Variants in ARL13B observed in about 807,000 individuals in gnomAD.
ARL13B encodes the protein ADP-ribosylation factor-like protein 13B.
Under a neutral mutation model 56.1 loss-of-function variants are expected in ARL13B, and 36 were observed. The observed-to-expected ratio is 0.64, with a 90% CI of 0.49 to 0.85. The LOEUF is 0.85. Among genes scored for constraint, ARL13B ranks in the 40% least tolerant of loss-of-function variants. ARL13B has a pLI of 0.00. For synonymous variants in ARL13B, 178 were observed against 171.1 expected, an observed-to-expected ratio of 1.04 and a Z score of -0.32; for missense variants, 519 against 507.1, an observed-to-expected ratio of 1.02 and a Z score of -0.23.
At chr3:94,045,585 T>C (rs546676607) in intron 7 of ARL13B, among the ~76,000 whole-genome samples, 1 of 151,882 alleles carries the variant, frequency 6.6e-6, no homozygotes, top group African/African-American at 2.4e-5. Flanking sequence ...ATAAAATATA[T>C]GTAAAAGTAA....
chr3:94,014,830 A>G (rs1265778965), intron 3 of ARL13B: 14 of 1,614,096 alleles, frequency 8.7e-6, no homozygotes, highest in Non-Finnish European at 1.2e-5. Flanking sequence ...TATAAACATG[A>G]TTTGCTGAAA....
chr3:94,041,940 C>A (rs2076870346), intron 6 of ARL13B, among the ~76,000 whole-genome samples: 1 of 152,046 alleles, frequency 6.6e-6, no homozygotes, highest in South Asian at 2.1e-4. Context: ...ACCTATAATC[C>A]CAGCTACTCC....
chr3:94,038,716 T>A (rs2076812425), intron 5 of ARL13B, among the ~76,000 whole-genome samples: 2 of 151,836 alleles, frequency 1.3e-5, no homozygotes, highest in South Asian at 4.2e-4. Flanking sequence ...AGAGACAGGG[T>A]TTCACCATGT....
intron 3 of ARL13B, among the ~76,000 whole-genome samples, chr3:94,030,132 A>G (rs201106377): frequency 1.3e-5 from 2 of 152,114 alleles, no homozygotes; most frequent in African/African-American, 2.4e-5. Context: ...GGTTACCTAT[A>G]AGGGAAGGGA....
chr3:94,018,212 TA>T (rs1256219568), intron 3 of ARL13B, among the ~76,000 whole-genome samples: 1 of 140,840 alleles, frequency 7.1e-6, no homozygotes, highest in African/African-American at 2.7e-5. Flanking sequence ...TTTATATTTT[TA>T]AAAGATGTTG....
chr3:94,023,632 A>T (rs1186460372), intron 3 of ARL13B, among the ~76,000 whole-genome samples: 1 of 152,162 alleles, frequency 6.6e-6, no homozygotes, highest in African/African-American at 2.4e-5. Context: ...TTTTAAAGTG[A>T]CTTGCCTAAG....
intron 1 of ARL13B, among the ~76,000 whole-genome samples, chr3:93,988,423 T>G (rs2107343700): frequency 6.6e-6 from 1 of 152,308 alleles, no homozygotes; most frequent in South Asian, 2.1e-4. Context: ...CAATATCCCA[T>G]ACTATTCTCT....
intron 2 of ARL13B, among the ~76,000 whole-genome samples, chr3:94,002,539 A>G (rs1329063470): frequency 6.6e-6 from 1 of 152,200 alleles, no homozygotes; most frequent in Non-Finnish European, 1.5e-5. Context: ...AGTGGATTCC[A>G]GTGATGAAGA....
chr3:94,005,083 A>G (rs1396110329), intron 3 of ARL13B, among the ~76,000 whole-genome samples: 1 of 152,162 alleles, frequency 6.6e-6, no homozygotes, highest in Non-Finnish European at 1.5e-5. Context: ...TCATTAATAC[A>G]TGCATTAATT....
chr3:94,007,184 A>G (rs965592972), intron 3 of ARL13B, among the ~76,000 whole-genome samples: 2 of 152,226 alleles, frequency 1.3e-5, no homozygotes, highest in Non-Finnish European at 2.9e-5. Flanking sequence ...GCAAGCAGAA[A>G]ACAAGACCTC....
intron 1 of ARL13B, among the ~76,000 whole-genome samples, chr3:93,988,338 A>G (rs1393402325): frequency 6.6e-6 from 1 of 152,150 alleles, no homozygotes; most frequent in African/African-American, 2.4e-5. Flanking sequence ...ATTTTGTATT[A>G]CAGTATATAA....
Position 94,043,183 on chromosome 3 carries a change from G to A in ARL13B, c.967G>A (p.Ala323Thr), listed in dbSNP as rs952677478. ...EFGLVENYKE[A>T]LTQQLKNEDE... ...TGGACTAGTAGAAAATTATAAGGAG[G>A]CATTAACACAGCAGTTAAAGAATGA... is the stretch of plus-strand genomic sequence containing the variant. Residue 323 changes from alanine to threonine, a missense_variant, in exon 7 of 10, where the codon GCA becomes ACA. Coordinates refer to ENST00000394222, the MANE Select transcript of ARL13B (RefSeq NM_001174150.2). The A allele has an allele frequency of 6.2e-7, 1 of 1,613,416 alleles. No individual in the cohort carries two copies. The highest frequency in any genetic ancestry group is 1.1e-5 in the South Asian group (1 of 91,010).
Position 94,054,040 on chromosome 3 carries a change from C to A in ARL13B, c.*777C>A, listed in dbSNP as rs569600043. ...GTACCTAAATGTTTTTTAAATTAAT[C>A]AAAATACATTCTGTGAGATACTATT... On this transcript the variant is annotated 3_prime_UTR_variant, in exon 10 of 10. Coordinates refer to ENST00000394222, the MANE Select transcript of ARL13B (RefSeq NM_001174150.2). 9.5e-4 allele frequency: 410 copies of A among 433,606 alleles called. 1 individual carries two copies. Among genetic ancestry groups the A allele is most frequent in the African/African-American group, 7.0e-3 (342 of 49,142 alleles). 26.9% of individuals were successfully genotyped at this position (433,606 alleles called of 1,614,324 possible).
At position 93,980,391 on chromosome 3, in the gene ARL13B, T is replaced by A; in HGVS notation, c.-33T>A. 1.9e-6 allele frequency: 3 copies of A among 1,610,114 alleles called. No individual in the cohort carries two copies. The highest frequency in any genetic ancestry group is 2.5e-6 in the Non-Finnish European group (3 of 1,179,886). On this transcript the variant is annotated 5_prime_UTR_variant, in exon 1 of 10. Coordinates refer to ENST00000394222, the MANE Select transcript of ARL13B (RefSeq NM_001174150.2). The stretch of plus-strand genomic sequence containing the variant: ...CGGGGTGCCGGTGTCCGCTCCGGGC[T>A]CGGATGGGAAGTGGTGGGAGGAGCG...
rs987157586 is a variant in ARL13B, at chr3:94,053,579, C to G, written c.*316C>G. ...TGAAGGAAAACTTTACAAAAAGAGC[C>G]AATGGACTCAGCACTTTCTTTACTA... On this transcript the variant is annotated 3_prime_UTR_variant, in exon 10 of 10. Transcript: ENST00000394222. The G allele has an allele frequency of 7.8e-6, 4 of 515,636 alleles. No individual in the cohort carries two copies. The highest frequency in any genetic ancestry group is 2.2e-5 in the Admixed American group (1 of 44,574). 31.9% of individuals were successfully genotyped at this position (515,636 alleles called of 1,614,324 possible).
intron 7 of ARL13B, among the ~76,000 whole-genome samples, chr3:94,045,950 CAA>C (rs1199964643): frequency 1.6e-4 from 7 of 44,438 alleles, no homozygotes; most frequent in South Asian, 8.0e-4. Flanking sequence ...GACTCCATCA[CAA>C]AAAAAAAAAA....
chr3:93,997,464 A>G (rs1160502792), intron 2 of ARL13B, among the ~76,000 whole-genome samples: 1 of 152,208 alleles, frequency 6.6e-6, no homozygotes, highest in Non-Finnish European at 1.5e-5. Context: ...CTACTCTGTA[A>G]TGTTAAGTAA....
chr3:93,994,898 T>A (rs2075939411), intron 1 of ARL13B, among the ~76,000 whole-genome samples: 1 of 152,154 alleles, frequency 6.6e-6, no homozygotes, highest in Non-Finnish European at 1.5e-5. Context: ...ATTTAAATTC[T>A]GTTTTCAGCC....
chr3:94,015,249 T>C (rs2076307282), intron 3 of ARL13B: 1 of 1,550,162 alleles, frequency 6.5e-7, no homozygotes, highest in Non-Finnish European at 8.7e-7. Flanking sequence ...TCTGCTTTAG[T>C]TCTTGAAGTC....
Sources: gnomAD v4.1 joint callset for allele counts (sites outside exome capture counted in the v4.1 genomes callset) on GRCh38, gnomAD v4.1.1 for gene constraint, MANE v1.5 for transcripts, NCBI Gene and HGNC (gene_info 2026-07-23, HGNC 2026-07-21) for gene names.